The following EMC1 variants were observed in gnomAD, a reference collection of about 807,000 sequenced individuals.
EMC1 encodes ER membrane protein complex subunit 1.
EMC1 carries 103 observed loss-of-function variants against 128.8 expected under a neutral mutation model. The ratio of observed to expected loss-of-function variants is 0.80; its 90% CI spans 0.68 to 0.94. The LOEUF is 0.94. Among genes scored for constraint, EMC1 ranks in the 40% least tolerant of loss-of-function variants. The probability of loss-of-function intolerance (pLI) is 0.00; values close to 1 mark genes in which losing one functional copy is unlikely to be tolerated. For synonymous variants in EMC1, 442 were observed against 490.4 expected, an observed-to-expected ratio of 0.90 and a Z score of 1.30; for missense variants, 1,083 against 1,250.6, an observed-to-expected ratio of 0.87 and a Z score of 2.02.
chr1:19,242,963 C>T (rs1357043618), intron 4 of EMC1, among the ~76,000 whole-genome samples: 2 of 152,212 alleles, frequency 1.3e-5, no homozygotes, highest in East Asian at 3.8e-4. Flanking sequence ...AGGGGCCAGG[C>T]CCGGTGGCTC....
intron 1 of EMC1, among the ~76,000 whole-genome samples, chr1:19,245,311 C>T (rs1006617419): frequency 2.0e-5 from 3 of 152,056 alleles, no homozygotes; most frequent in African/African-American, 7.2e-5. Flanking sequence ...CATGGTGGCG[C>T]ATGCCTGTAA....
intron 10 of EMC1, among the ~76,000 whole-genome samples, chr1:19,238,532 C>T (rs1196151515): frequency 6.6e-6 from 1 of 152,194 alleles, no homozygotes; most frequent in African/African-American, 2.4e-5. Context: ...TACTACTCAA[C>T]TGTGCCAGCC....
chr1:19,239,534 C>A (rs2093590725), intron 8 of EMC1: 1 of 586,070 alleles, frequency 1.7e-6, no homozygotes, highest in African/African-American at 1.9e-5. Context: ...AAATCCCATG[C>A]TGCTTGTTCT....
intron 20 of EMC1, 132 bp downstream of exon 20, chr1:19,222,492 T>C: frequency 2.7e-6 from 2 of 750,346 alleles, no homozygotes; most frequent in South Asian, 1.6e-5. Flanking sequence ...TCCACCGATA[T>C]ATAGCCCTCC....
At chr1:19,244,495 T>G in intron 2 of EMC1, 1 of 249,516 alleles carries the variant, frequency 4.0e-6, no homozygotes, top group East Asian at 1.1e-4. Flanking sequence ...CACTGCAGCC[T>G]CAACCTGCTG....
chr1:19,226,200 G>A (rs977231951), intron 18 of EMC1, among the ~76,000 whole-genome samples: 2 of 152,148 alleles, frequency 1.3e-5, no homozygotes, highest in African/African-American at 4.8e-5. Context: ...CAGTTTTGCA[G>A]CCCACTAGTC....
At chr1:19,240,477 C>T (rs1307839783) in intron 6 of EMC1, 31 bp from the exon 7 acceptor site, 6 of 1,611,988 alleles carry the variant, frequency 3.7e-6, no homozygotes, top group Admixed American at 1.7e-5. Flanking sequence ...ACAGGAAGCT[C>T]GTGAAAGATT....
In EMC1 at chr1:19,220,605, A is replaced by C. The variant is rs2093424191; in HGVS notation, c.2672+159T>G. The C allele has an allele frequency of 1.2e-5, 6 of 518,778 alleles. No individual in the cohort carries two copies. In the South Asian group the frequency reaches 1.9e-4, roughly 17 times the overall value. 32.1% of individuals were successfully genotyped at this position (518,778 alleles called of 1,614,324 possible). On this transcript the variant is annotated intron_variant, in intron 21 of 22. Coordinates refer to ENST00000477853, the MANE Select transcript of EMC1 (RefSeq NM_015047.3). Reference sequence around the variant, plus strand: ...TATTGTCCATTTCCCAGCAGACTGTAAGCTCCATGAGGGCAGGTGACTTTT... The same window carrying C: ...TATTGTCCATTTCCCAGCAGACTGTCAGCTCCATGAGGGCAGGTGACTTTT...
At chr1:19,240,939 T>C (rs2093602044) in intron 6 of EMC1, 77 bp downstream of exon 6, 2 of 1,537,692 alleles carry the variant, frequency 1.3e-6, no homozygotes, top group South Asian at 2.4e-5. Context: ...CCAAGTTCCC[T>C]GTTCCCCAGT....
chr1:19,240,171 G>A, intron 7 of EMC1, 126 bp downstream of exon 7: 1 of 1,306,068 alleles, frequency 7.7e-7, no homozygotes, highest in African/African-American at 1.5e-5. Flanking sequence ...AGTTCAGCCA[G>A]AGGCCTGAAT....
At chr1:19,232,450 A>G (rs1312593437) in intron 15 of EMC1, among the ~76,000 whole-genome samples, 174 bp downstream of exon 15, 3 of 152,218 alleles carry the variant, frequency 2.0e-5, no homozygotes, top group Non-Finnish European at 4.4e-5. Flanking sequence ...AAACAATTCC[A>G]CATCAGTGCT....
intron 1 of EMC1, among the ~76,000 whole-genome samples, chr1:19,245,669 G>T (rs1357516480): frequency 1.6e-5 from 2 of 123,622 alleles, no homozygotes; most frequent in African/African-American, 6.8e-5. Flanking sequence ...TTGTCCCCCA[G>T]GCTGGAGTGC....
chr1:19,242,276 C>T, intron 5 of EMC1, 69 bp downstream of exon 5: 1 of 1,580,376 alleles, frequency 6.3e-7, no homozygotes, highest in South Asian at 1.1e-5. Flanking sequence ...CTTCGGGTCC[C>T]TCGAGGAGAA....
At chr1:19,244,242 C>T (rs967047009) in intron 2 of EMC1, among the ~76,000 whole-genome samples, 12 of 152,270 alleles carry the variant, frequency 7.9e-5, no homozygotes, top group Middle Eastern at 3.4e-3. Context: ...CCCCATCAAA[C>T]ATATAAACAA....
chr1:19,244,068 A>G, intron 2 of EMC1, 53 bp from the exon 3 acceptor site: 1 of 1,550,450 alleles, frequency 6.4e-7, no homozygotes, highest in Non-Finnish European at 8.9e-7. Context: ...GCAACCCAGA[A>G]GACTAAGAAA....
At position 19,242,771 on chromosome 1, in the gene EMC1, C is replaced by T. The variant is rs564808396; in HGVS notation, c.381-298G>A. Among the ~76,000 whole-genome samples the T allele has an allele frequency of 1.2e-4, 18 of 152,350 alleles. No individual in the cohort carries two copies. The South Asian group carries it at 3.7e-3, about 32-fold the overall frequency. ...TACCCTCTGCCACATATCCATGAGA[C>T]AGTGCTGTCATTACTGTGCTACCTG... On this transcript the variant is annotated intron_variant, in intron 4 of 22. Transcript: ENST00000477853.
chr1:19,215,739 G>A lies in EMC1; in HGVS notation c.*3564C>T, dbSNP rs1001198851. 1 of 152,208 alleles carries A rather than the reference G, an allele frequency of 6.6e-6. No individual in the cohort carries two copies. Among genetic ancestry groups the A allele is most frequent in the African/African-American group, 2.4e-5 (1 of 41,456 alleles). The allele number at this position is 152,208 out of a possible 1,614,324, so 9.4% of individuals were successfully genotyped here. A position where few individuals can be genotyped will look rare whatever the true frequency, so the allele number is the denominator to read the frequency against. On this transcript the variant is annotated 3_prime_UTR_variant, in exon 23 of 23. Transcript: ENST00000477853. ...ACTGTGTTGCCCAGACTGGAGTGCA[G>A]AGGCATGATCTCGGCTTACTGCAGC...
chr1:19,222,496 G>A (rs2093439234), intron 20 of EMC1, 128 bp downstream of exon 20: 1 of 768,882 alleles, frequency 1.3e-6, no homozygotes, highest in African/African-American at 1.7e-5. Context: ...CCGATATATA[G>A]CCCTCCTCAC....
chr1:19,220,547 T>G, intron 21 of EMC1: 1 of 407,068 alleles, frequency 2.5e-6, no homozygotes, highest in Non-Finnish European at 4.4e-6. Flanking sequence ...GTACCTAACA[T>G]AGTATATATT....
Sources: allele counts gnomAD v4.1 joint callset (sites outside exome capture counted in the v4.1 genomes callset), GRCh38; gene constraint gnomAD v4.1.1; transcripts MANE v1.5; gene names NCBI Gene and HGNC (gene_info 2026-07-23, HGNC 2026-07-21).